Variants in C1QTNF7 observed in about 807,000 individuals in gnomAD.
C1QTNF7 encodes complement C1q tumor necrosis factor-related protein 7.
In C1QTNF7, 15 loss-of-function variants were observed where a neutral mutation model predicts 19.6. The observed-to-expected ratio is 0.76, with a 90% CI of 0.51 to 1.18. The LOEUF (loss-of-function observed/expected upper bound fraction) is 1.18. C1QTNF7 is among the 50% of genes most tolerant of loss of function. The pLI is 0.00. For synonymous variants in C1QTNF7, 142 were observed against 137.5 expected, an observed-to-expected ratio of 1.03 and a Z score of -0.23; for missense variants, 324 against 359.7, an observed-to-expected ratio of 0.90 and a Z score of 0.80.
chr4:15,421,098 A>T (rs981448213), intron 1 of C1QTNF7, among the ~76,000 whole-genome samples: 8 of 152,016 alleles, frequency 5.3e-5, no homozygotes, highest in African/African-American at 1.7e-4. Context: ...TGTTTTTAGC[A>T]ATAAACAAAG....
At chr4:15,412,137 G>T (rs1025160178) in intron 1 of C1QTNF7, among the ~76,000 whole-genome samples, 2 of 152,178 alleles carry the variant, frequency 1.3e-5, no homozygotes, top group African/African-American at 2.4e-5. Flanking sequence ...CCGATGATCT[G>T]TCCTGGCTCT....
rs1482459842 is a variant in C1QTNF7 at position 15,444,606 on chromosome 4, A to C, written c.*1807A>C. ...AAAGGAAATGGCATGCACACACACA[A>C]AAAATACCTAAATTTTGGATGAGAA... is the stretch of plus-strand genomic sequence containing the variant. On this transcript the variant is annotated 3_prime_UTR_variant, in exon 3 of 3. Transcript: ENST00000444304. The C allele has an allele frequency of 3.9e-5, 6 of 152,218 alleles. No homozygotes were observed. Among genetic ancestry groups the C allele is most frequent in the South Asian group, 2.1e-4 (1 of 4,834 alleles). 9.4% of individuals were successfully genotyped at this position (152,218 alleles called of 1,614,324 possible).
chr4:15,420,430 C>A (rs1452632712), intron 1 of C1QTNF7, among the ~76,000 whole-genome samples: 2 of 152,172 alleles, frequency 1.3e-5, no homozygotes, highest in African/African-American at 4.8e-5. Flanking sequence ...CTAGTCCCAA[C>A]AAGAACGTAA....
chr4:15,357,548 G>T (rs1717189706), intron 1 of C1QTNF7, among the ~76,000 whole-genome samples: 3 of 152,156 alleles, frequency 2.0e-5, no homozygotes, highest in Admixed American at 2.0e-4. Flanking sequence ...TTTTTGCTTA[G>T]GATTGTCTTG....
At chr4:15,416,386 A>T (rs75552872) in intron 1 of C1QTNF7, among the ~76,000 whole-genome samples, 368 of 152,016 alleles carry the variant, frequency 2.4e-3, no homozygotes, top group African/African-American at 8.6e-3. Context: ...GCTCGGTTCA[A>T]CTCCCTCTGT....
intron 1 of C1QTNF7, among the ~76,000 whole-genome samples, chr4:15,422,467 C>G (rs190928641): frequency 6.6e-6 from 1 of 152,328 alleles, no homozygotes; most frequent in Admixed American, 6.5e-5. Context: ...GCATTCTCAT[C>G]TAATATCTAC....
chr4:15,341,016 A>AT (rs1454169396), intron 1 of C1QTNF7, among the ~76,000 whole-genome samples: 1 of 152,144 alleles, frequency 6.6e-6, no homozygotes, highest in African/African-American at 2.4e-5. Context: ...TTCCCTGAGA[A>AT]TGTCTCTGTT....
chr4:15,411,354 T>G (rs2108916460), intron 1 of C1QTNF7, among the ~76,000 whole-genome samples: 1 of 152,102 alleles, frequency 6.6e-6, no homozygotes, highest in East Asian at 1.9e-4. Flanking sequence ...CATTATGAAA[T>G]ATTAAAAAAA....
chr4:15,353,525 C>T (rs1319180797), intron 1 of C1QTNF7, among the ~76,000 whole-genome samples: 3 of 152,114 alleles, frequency 2.0e-5, no homozygotes, highest in South Asian at 2.1e-4. Flanking sequence ...CAGACCAAAT[C>T]GGTCCAGGGA....
At chr4:15,370,312 G>C (rs2109305754) in intron 1 of C1QTNF7, among the ~76,000 whole-genome samples, 1 of 152,288 alleles carries the variant, frequency 6.6e-6, no homozygotes, top group East Asian at 1.9e-4. Context: ...GAAGCCATAG[G>C]AAAGTGTGAG....
At chr4:15,349,582 T>C (rs1248246904) in intron 1 of C1QTNF7, among the ~76,000 whole-genome samples, 4 of 152,144 alleles carry the variant, frequency 2.6e-5, no homozygotes, top group Non-Finnish European at 4.4e-5. Flanking sequence ...CTGGTTATAA[T>C]GATTGAGTGT....
chr4:15,387,534 G>A (rs932618232), intron 1 of C1QTNF7, among the ~76,000 whole-genome samples: 1 of 152,298 alleles, frequency 6.6e-6, no homozygotes, highest in East Asian at 1.9e-4. Flanking sequence ...GGAAAACCAA[G>A]AGACAGTGGT....
chr4:15,440,778 C>T (rs1428740456), intron 2 of C1QTNF7, among the ~76,000 whole-genome samples: 1 of 152,076 alleles, frequency 6.6e-6, no homozygotes, highest in Non-Finnish European at 1.5e-5. Flanking sequence ...ATGGTGGTGG[C>T]AGTCATTGTT....
intron 1 of C1QTNF7, among the ~76,000 whole-genome samples, 151 bp downstream of exon 1, chr4:15,428,257 C>T (rs1712143158): frequency 6.6e-6 from 1 of 152,306 alleles, no homozygotes; most frequent in Non-Finnish European, 1.5e-5. Context: ...TGGACTGACA[C>T]TAGCTTTCTA....
At position 15,435,885 on chromosome 4, in the gene C1QTNF7, G is replaced by A. The variant is rs1577283094; in HGVS notation, c.142G>A (p.Ala48Thr). ...GCCTGGACCTCCAGGGCCCCCTGGA[G>A]CAAATGGTTCCCCTGGGCCCCATGG... ...GLPGPPGPPG[A>T]NGSPGPHGRI... is the part of the protein sequence containing the mutation. The change falls in exon 2 of 3, where the codon GCA becomes ACA. Residue 48 changes from alanine to threonine, a missense_variant. Ala to Thr is a moderately conservative substitution (Grantham distance 58). Transcript: ENST00000444304. 3.7e-6 allele frequency: 6 copies of A among 1,614,092 alleles called. No homozygotes were observed. In the East Asian group the frequency reaches 1.3e-4, roughly 36 times the overall value.
chr4:15,395,069 T>C (rs1718734936), intron 1 of C1QTNF7, among the ~76,000 whole-genome samples: 1 of 152,062 alleles, frequency 6.6e-6, no homozygotes, highest in Admixed American at 6.5e-5. Context: ...CAGGGCCACA[T>C]GGGAAAGAGC....
chr4:15,350,515 C>G (rs1481040449), intron 1 of C1QTNF7, among the ~76,000 whole-genome samples: 1 of 152,184 alleles, frequency 6.6e-6, no homozygotes, highest in Non-Finnish European at 1.5e-5. Context: ...ATGAATTCCT[C>G]TCTCCATCTC....
intron 1 of C1QTNF7, among the ~76,000 whole-genome samples, chr4:15,344,904 G>A (rs1215457936): frequency 6.6e-6 from 1 of 152,136 alleles, no homozygotes; most frequent in Non-Finnish European, 1.5e-5. Flanking sequence ...AACTTTTTCT[G>A]CAGTTTGTGA....
chr4:15,366,883 C>T (rs1328697866), intron 1 of C1QTNF7, among the ~76,000 whole-genome samples: 3 of 152,104 alleles, frequency 2.0e-5, no homozygotes, highest in Non-Finnish European at 4.4e-5. Context: ...CAGGGTCATG[C>T]TGATGCACAT....
Sources: gnomAD v4.1 joint callset for allele counts (sites outside exome capture counted in the v4.1 genomes callset) on GRCh38, gnomAD v4.1.1 for gene constraint, MANE v1.5 for transcripts, NCBI Gene and HGNC (gene_info 2026-07-23, HGNC 2026-07-21) for gene names.